The following NRXN3 variants were observed in gnomAD, a reference collection of about 807,000 sequenced individuals.
The protein encoded by NRXN3 is neurexin III.
NRXN3 carries 32 observed loss-of-function variants against 137.6 expected under a neutral mutation model. That is an observed-to-expected ratio of 0.23 (90% CI 0.18 to 0.31). The LOEUF (loss-of-function observed/expected upper bound fraction) is 0.31. Ranked by LOEUF, NRXN3 falls within the 10% of genes least tolerant of loss-of-function variation. The probability of loss-of-function intolerance (pLI) is 1.00; values close to 1 mark genes in which losing one functional copy is unlikely to be tolerated. For missense variants in NRXN3, 1,574 were observed against 2,062.5 expected (o/e 0.76, Z 4.59); for synonymous variants, 798 against 784.5 (o/e 1.02, Z -0.29).
intron 10 of NRXN3, among the ~76,000 whole-genome samples, chr14:78,815,417 C>G (rs1005064832): frequency 5.3e-5 from 8 of 149,826 alleles, no homozygotes; most frequent in African/African-American, 1.7e-4. Context: ...AATTTTATCT[C>G]CCAAGACTAC....
intron 15 of NRXN3, among the ~76,000 whole-genome samples, chr14:79,306,958 A>AT (rs1475023094): frequency 6.6e-6 from 1 of 152,060 alleles, no homozygotes; most frequent in Non-Finnish European, 1.5e-5. Flanking sequence ...ACTGACCCTT[A>AT]TTAAGAGCTG....
chr14:79,482,926 G>A (rs1481223193), intron 16 of NRXN3, among the ~76,000 whole-genome samples: 1 of 152,126 alleles, frequency 6.6e-6, no homozygotes, highest in Non-Finnish European at 1.5e-5. Flanking sequence ...TTAACTGAAT[G>A]CTAGAAGAAA....
intron 10 of NRXN3, among the ~76,000 whole-genome samples, chr14:78,932,000 C>T (rs1267691312): frequency 6.6e-6 from 1 of 152,072 alleles, no homozygotes; most frequent in Admixed American, 6.5e-5. Context: ...ATTAGCTGGG[C>T]ATGGTGGCAG....
Position 79,242,346 on chromosome 14 carries a change from G to T in NRXN3, c.3263-224875G>T, listed in dbSNP as rs540937145. Among the ~76,000 whole-genome samples, 3 of 152,254 alleles carry T rather than the reference G, an allele frequency of 2.0e-5. No individual in the cohort carries two copies. The South Asian group carries it at 6.2e-4, about 32-fold the overall frequency. ...AGCCAGATCTGAGGCCAAGCTAAGG[G>T]CAGAAAACAGGAGTCCTGGGCCACT... On this transcript the variant is annotated intron_variant, in intron 15 of 20. Transcript: ENST00000335750.
intron 15 of NRXN3, among the ~76,000 whole-genome samples, chr14:79,385,350 A>G (rs1167350596): frequency 9.9e-5 from 15 of 151,146 alleles, no homozygotes; most frequent in African/African-American, 3.2e-4. Context: ...GAGAATGATG[A>G]TTTCCAATTT....
At chr14:79,102,051 T>C (rs957448666) in intron 15 of NRXN3, among the ~76,000 whole-genome samples, 21 of 152,176 alleles carry the variant, frequency 1.4e-4, no homozygotes, top group Admixed American at 9.8e-4. Flanking sequence ...ATGGAACCAA[T>C]TCTGGAGCTT....
intron 15 of NRXN3, among the ~76,000 whole-genome samples, chr14:79,121,920 A>G (rs2055511055): frequency 6.6e-6 from 1 of 152,210 alleles, no homozygotes; most frequent in Non-Finnish European, 1.5e-5. Context: ...CTGTGTGTAT[A>G]TGTACATTTA....
intron 19 of NRXN3, among the ~76,000 whole-genome samples, chr14:79,728,046 T>G (rs959464379): frequency 2.6e-5 from 4 of 152,178 alleles, no homozygotes; most frequent in South Asian, 2.1e-4. Context: ...AACTTCTCCC[T>G]GAAGCCAGGT....
rs1328598242 is a variant in NRXN3 at position 79,805,137 on chromosome 14, C to G, written c.4040C>G (p.Ser1347Cys). 6.2e-7 allele frequency: 1 copy of G among 1,613,190 alleles called. No homozygotes were observed. The highest frequency in any genetic ancestry group is 8.5e-7 in the Non-Finnish European group (1 of 1,179,440). Residue 1347 changes from serine (S) to cysteine (C), a missense_variant, in exon 20 of 21, where the codon TCT (serine) becomes TGT (cysteine). Physicochemically the swap from Ser to Cys is moderately radical, Grantham distance 112 (BLOSUM62 -1). Coordinates refer to ENST00000335750, the MANE Select transcript of NRXN3 (RefSeq NM_001330195.2). ...IQPTSDDLVS[S>C]AECSSDDEDF... ...CCAACATCAGATGATCTTGTTTCATCTGCTGAATGTTCAAGTGATGATGAA... is the reference window on the plus strand; with the variant it reads ...CCAACATCAGATGATCTTGTTTCATGTGCTGAATGTTCAAGTGATGATGAA...
chr14:79,118,500 G>A lies in NRXN3; in HGVS notation c.3262+130359G>A, dbSNP rs142443862. ...TTTTTTCTTTTGCCTTTGTCATGGT[G>A]CCATGGCTACCAGCAACTTTCAGAC... On this transcript the variant is annotated intron_variant, in intron 15 of 20. Transcript: ENST00000335750. Among the ~76,000 whole-genome samples, 56 of 152,252 alleles carry A rather than the reference G, an allele frequency of 3.7e-4. 1 individual carries two copies. The East Asian group carries it at 9.1e-3, about 25-fold the overall frequency.
intron 16 of NRXN3, among the ~76,000 whole-genome samples, chr14:79,587,368 C>T (rs988080405): frequency 1.3e-5 from 2 of 152,166 alleles, no homozygotes; most frequent in African/African-American, 4.8e-5. Context: ...TTGTCGTTTT[C>T]ACCACACATT....
chr14:79,610,890 C>T (rs1309859434), intron 16 of NRXN3, among the ~76,000 whole-genome samples: 3 of 152,190 alleles, frequency 2.0e-5, no homozygotes, highest in Non-Finnish European at 4.4e-5. Flanking sequence ...AAGTTCTGGA[C>T]AGATAGCTGT....
chr14:79,766,411 G>C (rs568604496), intron 19 of NRXN3, among the ~76,000 whole-genome samples: 34 of 152,192 alleles, frequency 2.2e-4, no homozygotes, highest in African/African-American at 8.2e-4. Flanking sequence ...CCTAATAGAC[G>C]CTTATTTCTT....
chr14:78,760,250 C>A (rs1035420531), intron 8 of NRXN3, among the ~76,000 whole-genome samples: 1 of 150,914 alleles, frequency 6.6e-6, no homozygotes, highest in Non-Finnish European at 1.5e-5. Flanking sequence ...CCATGTTAGT[C>A]AGGCTGGTTT....
chr14:79,262,029 G>C (rs983746942), intron 15 of NRXN3, among the ~76,000 whole-genome samples: 2 of 152,144 alleles, frequency 1.3e-5, no homozygotes, highest in Admixed American at 1.3e-4. Flanking sequence ...CAAGGCATCA[G>C]AGAAGGGAAA....
chr14:78,790,075 T>C (rs984416643), intron 8 of NRXN3, among the ~76,000 whole-genome samples: 1 of 152,206 alleles, frequency 6.6e-6, no homozygotes, highest in Non-Finnish European at 1.5e-5. Context: ...GATAGAGTTC[T>C]GAAGAATTGT....
intron 15 of NRXN3, among the ~76,000 whole-genome samples, chr14:79,351,520 G>A (rs563496936): frequency 6.6e-6 from 1 of 152,198 alleles, no homozygotes; most frequent in Admixed American, 6.5e-5. Flanking sequence ...ACACAGTCAC[G>A]GTAGATATGA....
At chr14:79,759,478 A>G (rs1463805211) in intron 19 of NRXN3, among the ~76,000 whole-genome samples, 1 of 151,626 alleles carries the variant, frequency 6.6e-6, no homozygotes, top group Non-Finnish European at 1.5e-5. Flanking sequence ...CTTCTATAAA[A>G]TCTTTTATTT....
At chr14:79,517,098 C>CCG (rs72522762) in intron 16 of NRXN3, among the ~76,000 whole-genome samples, 6 of 148,832 alleles carry the variant, frequency 4.0e-5, no homozygotes, top group Admixed American at 2.7e-4. Flanking sequence ...TACAGCCCCC[C>CCG]CCCCCTCAAC....
Sources: gnomAD v4.1 joint callset for allele counts (sites outside exome capture counted in the v4.1 genomes callset) on GRCh38, gnomAD v4.1.1 for gene constraint, MANE v1.5 for transcripts, NCBI Gene and HGNC (gene_info 2026-07-23, HGNC 2026-07-21) for gene names.